PTCH1: variants seen among roughly 807,000 people sequenced by gnomAD.
The protein encoded by PTCH1 is patched 1.
In PTCH1, 14 loss-of-function variants were observed where a neutral mutation model predicts 144.6. The ratio of observed to expected loss-of-function variants is 0.10; its 90% confidence interval spans 0.06 to 0.15. The LOEUF is 0.15. Ranked by LOEUF, PTCH1 falls within the 10% of genes least tolerant of loss-of-function variation. The pLI is 1.00. For synonymous variants in PTCH1, 833 were observed against 793.6 expected, an observed-to-expected ratio of 1.05 and a Z score of -0.83; for missense variants, 1,623 against 1,948.3, an observed-to-expected ratio of 0.83 and a Z score of 3.14.
chr9:95,496,395 C>T (rs1364859306), intron 2 of PTCH1, among the ~76,000 whole-genome samples: 1 of 151,950 alleles, frequency 6.6e-6, no homozygotes, highest in Non-Finnish European at 1.5e-5. Flanking sequence ...CGGTCCGCAA[C>T]AAAAAAGTTA....
rs977442521 is a variant in PTCH1, at chr9:95,508,417, GCGCTGCTGC to G, written c.-65_-57del. 11 of 1,061,286 alleles carry G rather than the reference GCGCTGCTGC, an allele frequency of 1.0e-5. No homozygotes were observed. In the African/African-American group the frequency reaches 1.7e-4, roughly 16 times the overall value. The allele number at this position is 1,061,286 out of a possible 1,614,324, so 65.7% of individuals were successfully genotyped here. A position where few individuals can be genotyped will look rare whatever the true frequency, so the allele number is the denominator to read the frequency against. Reference sequence around the variant, plus strand: ...ACGGAGGCTTCCCGGGCGGCCCGGCGCGCTGCTGCCGCTGCTGCGGGCTCCTGGCGCGCC... The same window carrying G: ...ACGGAGGCTTCCCGGGCGGCCCGGCGCGCTGCTGCGGGCTCCTGGCGCGCC... On this transcript the variant is annotated 5_prime_UTR_variant, in exon 1 of 24. Transcript: ENST00000331920.
intron 15 of PTCH1, 142 bp downstream of exon 15, chr9:95,466,974 G>T: frequency 1.1e-6 from 1 of 923,188 alleles, no homozygotes; most frequent in Non-Finnish European, 1.6e-6. Flanking sequence ...GTTCATGTAA[G>T]AATCTTGAGC....
In PTCH1 at chr9:95,447,373, G is replaced by C. The variant is rs1060502275; in HGVS notation, c.3883C>G (p.Pro1295Ala). 1 of 1,613,212 alleles carries C rather than the reference G, an allele frequency of 6.2e-7. No homozygotes were observed. The highest frequency in any genetic ancestry group is 1.3e-5 in the African/African-American group (1 of 75,034). Residue 1295 changes from proline (P) to alanine (A), a missense_variant, in exon 23 of 24, where the codon CCC becomes GCC. Transcript: ENST00000331920. ...CGGGGCTGCTGGCCTTGCCGTCCGGGAGGCAGGGACCCTGAGTCCAGGTGG... is the reference window on the plus strand; with the variant it reads ...CGGGGCTGCTGGCCTTGCCGTCCGGCAGGCAGGGACCCTGAGTCCAGGTGG... ...QPHLDSGSLP[P>A]GRQGQQPRRD...
intron 2 of PTCH1, among the ~76,000 whole-genome samples, chr9:95,501,995 G>A (rs1455073473): frequency 6.6e-6 from 1 of 152,140 alleles, no homozygotes; most frequent in African/African-American, 2.4e-5. Flanking sequence ...AGTAGGAAGA[G>A]CTGACAGCCC....
rs757073964 is a variant in PTCH1 at position 95,449,488 on chromosome 9, G to C, written c.3550-165C>G. ...TTCTCTACCACCTGGAGGACCTTCA[G>C]GTCCCGCAGCTGGAGCAGAAGAACT... On this transcript the variant is annotated intron_variant, in intron 21 of 23. Transcript: ENST00000331920. The surrounding 1 kb of genome is among the most constrained non-coding windows in gnomAD (Gnocchi z 5.3). 985 of 958,914 alleles carry C rather than the reference G, an allele frequency of 1.0e-3. 3 individuals are homozygous for C. Among genetic ancestry groups the C allele is most frequent in the Non-Finnish European group, 1.3e-3 (809 of 635,098 alleles). 59.4% of individuals were successfully genotyped at this position (958,914 alleles called of 1,614,324 possible). A position where few individuals can be genotyped will look rare whatever the true frequency, so the allele number is the denominator to read the frequency against.
chr9:95,465,126 G>A (rs896241898), intron 15 of PTCH1, among the ~76,000 whole-genome samples: 1 of 151,866 alleles, frequency 6.6e-6, no homozygotes, highest in East Asian at 1.9e-4. Context: ...ATCTATAAAG[G>A]AAGAAACGTA....
Position 95,446,785 on chromosome 9 carries a change from T to C in PTCH1, c.*1+126A>G, listed in dbSNP as rs574213014. On this transcript the variant is annotated intron_variant, in intron 23 of 23. Coordinates refer to ENST00000331920, the MANE Select transcript of PTCH1 (RefSeq NM_000264.5). ...CCTTGCTCTGGGGATAAAAGGTCAC[T>C]GGGGTCCAGCGTGGGATGTGCCCGA... 637 of 1,272,640 alleles carry C rather than the reference T, an allele frequency of 5.0e-4. 6 individuals are homozygous for C. The South Asian group carries it at 7.1e-3, about 14-fold the overall frequency. The allele number at this position is 1,272,640 out of a possible 1,614,324, so 78.8% of individuals were successfully genotyped here.
rs773706968 is a variant in PTCH1, at chr9:95,459,725, A to G, written c.2762T>C (p.Ile921Thr). The G allele has an allele frequency of 6.2e-7, 1 of 1,614,198 alleles. No homozygotes were observed. Among genetic ancestry groups the G allele is most frequent in the Non-Finnish European group, 8.5e-7 (1 of 1,180,038 alleles). Residue 921 changes from isoleucine to threonine, a missense_variant, in exon 17 of 24, where the codon ATC (isoleucine) becomes ACC (threonine). Coordinates refer to ENST00000331920, the MANE Select transcript of PTCH1 (RefSeq NM_000264.5). ...GTTGCTGACCCAAGCCGTCAGGTAG[A>G]TGTAGAAAGCGCTGGGATTAATGAT... ...DGIINPSAFY[I>T]YLTAWVSNDP...
intron 3 of PTCH1, chr9:95,484,154 C>A (rs1269274708): frequency 2.6e-5 from 4 of 152,232 alleles, no homozygotes; most frequent in Non-Finnish European, 5.9e-5. Context: ...GTGACAAACA[C>A]TAAGAATGCA....
chr9:95,494,101 G>T (rs1212555782), intron 2 of PTCH1, among the ~76,000 whole-genome samples: 2 of 151,924 alleles, frequency 1.3e-5, no homozygotes, highest in African/African-American at 4.9e-5. Flanking sequence ...CACGGGGCAT[G>T]TGGCAGGCTG....
At chr9:95,473,634 T>A (rs1218400746) in intron 12 of PTCH1, among the ~76,000 whole-genome samples, 2 of 144,858 alleles carry the variant, frequency 1.4e-5, no homozygotes, top group Non-Finnish European at 3.0e-5. Context: ...AACCTCCGCC[T>A]CCCGGGTTCA....
At chr9:95,462,745 G>A (rs1213325362) in intron 15 of PTCH1, among the ~76,000 whole-genome samples, 1 of 152,214 alleles carries the variant, frequency 6.6e-6, no homozygotes, top group Non-Finnish European at 1.5e-5. Flanking sequence ...GGCTCTGTGA[G>A]AACAGATGAC....
In PTCH1 at chr9:95,508,550, T is replaced by TGCTGCC; in HGVS notation, c.-195_-190dup. On this transcript the variant is annotated 5_prime_UTR_variant, in exon 1 of 24. Coordinates refer to ENST00000331920, the MANE Select transcript of PTCH1 (RefSeq NM_000264.5). Reference sequence around the variant, plus strand: ...CTGCTGCTGCTCACACGGCGGGCGCTGCTGCCGCTGCGGCCGCGGCCGCTG... The same window carrying TGCTGCC: ...CTGCTGCTGCTCACACGGCGGGCGCTGCTGCCGCTGCCGCTGCGGCCGCGGCCGCTG... 6 of 1,006,780 alleles carry TGCTGCC rather than the reference T, an allele frequency of 6.0e-6. No homozygotes were observed. Among genetic ancestry groups the TGCTGCC allele is most frequent in the Non-Finnish European group, 7.1e-6 (6 of 844,040 alleles). 62.4% of individuals were successfully genotyped at this position (1,006,780 alleles called of 1,614,324 possible). A position where few individuals can be genotyped will look rare whatever the true frequency, so the allele number is the denominator to read the frequency against.
intron 19 of PTCH1, among the ~76,000 whole-genome samples, chr9:95,454,128 G>C (rs562278443): frequency 3.3e-5 from 5 of 152,222 alleles, no homozygotes; most frequent in Admixed American, 6.5e-5. Context: ...TGAGTGTATT[G>C]CAAGAAATAC....
chr9:95,452,542 C>CA (rs1439346213), intron 20 of PTCH1: 1 of 152,192 alleles, frequency 6.6e-6, no homozygotes, highest in Non-Finnish European at 1.5e-5. Context: ...CTCAAAGAAG[C>CA]AAGTGGTTTC....
In PTCH1 at chr9:95,477,648, C is replaced by A. The variant is rs752908793; in HGVS notation, c.1402G>T (p.Ala468Ser). 1 of 1,614,114 alleles carries A rather than the reference C, an allele frequency of 6.2e-7. No individual in the cohort carries two copies. Among genetic ancestry groups the A allele is most frequent in the South Asian group, 1.1e-5 (1 of 91,086 alleles). ...AGCAGGACGCCAGCCAGCCCCACGGCACCCTGGGACTTGGAGCAGTCCCAG... is the reference window on the plus strand; with the variant it reads ...AGCAGGACGCCAGCCAGCCCCACGGAACCCTGGGACTTGGAGCAGTCCCAG... ...LRWDCSKSQGAVGLAGVLLVA... is the reference protein window; with the variant it reads ...LRWDCSKSQGSVGLAGVLLVA... The change falls in exon 10 of 24, where the codon GCC (alanine) becomes TCC (serine). Residue 468 changes from alanine (A) to serine (S), a missense_variant. Ala to Ser is a moderately conservative substitution (Grantham distance 99). Coordinates refer to ENST00000331920, the MANE Select transcript of PTCH1 (RefSeq NM_000264.5).
upstream of PTCH1, among the ~76,000 whole-genome samples, chr9:95,509,651 G>A (rs942409815): frequency 6.6e-6 from 1 of 152,336 alleles, no homozygotes; most frequent in Admixed American, 6.5e-5. Flanking sequence ...GTAGACACGG[G>A]GGGAAATGTA....
At chr9:95,470,343 T>A (rs55718161) in intron 12 of PTCH1, among the ~76,000 whole-genome samples, 6,583 of 152,254 alleles carry the variant, frequency 0.043, 478 homozygotes, top group African/African-American at 0.15. Flanking sequence ...AACATTTTTA[T>A]ATAAAGTGGA....
chr9:95,499,914 C>A (rs991501668), intron 2 of PTCH1, among the ~76,000 whole-genome samples: 3 of 151,830 alleles, frequency 2.0e-5, no homozygotes, highest in Non-Finnish European at 2.9e-5. Flanking sequence ...GTGACTCTCC[C>A]CTACCCCAAT....
Sources: allele counts gnomAD v4.1 joint callset (sites outside exome capture counted in the v4.1 genomes callset), GRCh38; gene constraint gnomAD v4.1.1; non-coding constraint Gnocchi (gnomAD v3.1); transcripts MANE v1.5; gene names NCBI Gene and HGNC (gene_info 2026-07-23, HGNC 2026-07-21).